NSD3: variants seen among roughly 807,000 people sequenced by gnomAD.
NSD3 encodes the protein histone-lysine N-methyltransferase NSD3.
A neutral mutation model predicts 160.8 loss-of-function variants in NSD3; 24 were observed. The ratio of observed to expected loss-of-function variants is 0.15; its 90% confidence interval spans 0.11 to 0.21. The LOEUF (loss-of-function observed/expected upper bound fraction) is 0.21. NSD3 is among the 10% of genes least tolerant of loss of function. NSD3 has a pLI of 1.00. For synonymous variants in NSD3, 520 were observed against 600.0 expected, an observed-to-expected ratio of 0.87 and a Z score of 1.95; for missense variants, 1,157 against 1,735.9, an observed-to-expected ratio of 0.67 and a Z score of 5.93.
chr8:38,331,827 TCAAAACAAAA>T (rs150155803), intron 4 of NSD3, among the ~76,000 whole-genome samples: 10,781 of 152,170 alleles, frequency 0.071, 537 homozygotes, highest in Non-Finnish European at 0.11. Context: ...GACTCTTGTC[TCAAAACAAAA>T]CAAAACAAAA....
At chr8:38,340,119 T>C (rs1810324873) in intron 2 of NSD3, among the ~76,000 whole-genome samples, 2 of 152,140 alleles carry the variant, frequency 1.3e-5, no homozygotes, top group African/African-American at 4.8e-5. Flanking sequence ...AAATTACTTC[T>C]ACAATTTAAA....
At position 38,295,680 on chromosome 8, in the gene NSD3, T is replaced by A. The variant is rs1160344789; in HGVS notation, c.2915+116A>T. 20 of 923,312 alleles carry A rather than the reference T, an allele frequency of 2.2e-5. No individual in the cohort carries two copies. In the South Asian group the frequency reaches 3.4e-4, roughly 16 times the overall value. 57.2% of individuals were successfully genotyped at this position (923,312 alleles called of 1,614,324 possible). A position where few individuals can be genotyped will look rare whatever the true frequency, so the allele number is the denominator to read the frequency against. On this transcript the variant is annotated intron_variant, in intron 16 of 23. Transcript: ENST00000317025. ...ACATGGTTCTTTTCTTTTTTTTTTT[T>A]AAGGAAGTAGGTCCATGCTGTCTAC...
chr8:38,358,022 C>T (rs1301622286), intron 1 of NSD3, among the ~76,000 whole-genome samples: 1 of 152,076 alleles, frequency 6.6e-6, no homozygotes, highest in Non-Finnish European at 1.5e-5. Flanking sequence ...GTCAAATAAA[C>T]TTCCAGAGGG....
At chr8:38,294,995 T>G (rs1045624527) in intron 16 of NSD3, among the ~76,000 whole-genome samples, 4 of 149,890 alleles carry the variant, frequency 2.7e-5, no homozygotes, top group Non-Finnish European at 5.9e-5. Flanking sequence ...TACAAAAAAA[T>G]TAGACGGGCA....
intron 4 of NSD3, among the ~76,000 whole-genome samples, chr8:38,335,042 T>G (rs1343903231): frequency 1.3e-5 from 2 of 148,218 alleles, no homozygotes; most frequent in African/African-American, 5.0e-5. Context: ...TGGAGTGAAG[T>G]GGTGGATCTC....
At chr8:38,333,821 T>C (rs929261673) in intron 4 of NSD3, among the ~76,000 whole-genome samples, 1 of 151,872 alleles carries the variant, frequency 6.6e-6, no homozygotes, top group African/African-American at 2.4e-5. Context: ...GAGCCGAGAT[T>C]GCGCCACTGC....
At chr8:38,291,065 G>A (rs1808988965) in intron 16 of NSD3, among the ~76,000 whole-genome samples, 1 of 152,120 alleles carries the variant, frequency 6.6e-6, no homozygotes, top group African/African-American at 2.4e-5. Flanking sequence ...TTTATTTCTA[G>A]TAGTCAATGG....
At chr8:38,338,633 G>A in intron 2 of NSD3, 26 bp from the exon 3 acceptor site, 1 of 1,557,168 alleles carries the variant, frequency 6.4e-7, no homozygotes, top group South Asian at 1.1e-5. Flanking sequence ...TAGGTAAGTA[G>A]AATAAAATGG....
intron 12 of NSD3, among the ~76,000 whole-genome samples, chr8:38,311,932 T>C (rs569804346): frequency 2.2e-4 from 34 of 152,332 alleles, no homozygotes; most frequent in Non-Finnish European, 1.2e-4. Flanking sequence ...AGCTCTTACA[T>C]CTTTGTCTTT....
chr8:38,323,251 G>A (rs1208405228), intron 7 of NSD3, among the ~76,000 whole-genome samples: 1 of 151,912 alleles, frequency 6.6e-6, no homozygotes, highest in Non-Finnish European at 1.5e-5. Flanking sequence ...TAGAGACAGG[G>A]TTTCACCATG....
In NSD3 at chr8:38,279,668, T is replaced by A; in HGVS notation, c.3632A>T (p.Asp1211Val). 1 of 1,613,758 alleles carries A rather than the reference T, an allele frequency of 6.2e-7. No individual in the cohort carries two copies. The highest frequency in any genetic ancestry group is 8.5e-7 in the Non-Finnish European group (1 of 1,179,666). Residue 1211 changes from aspartate (D) to valine (V), a missense_variant, in exon 21 of 24, where the codon GAT becomes GTT. Physicochemically the swap from Asp to Val is radical, Grantham distance 152. Around this residue, in one of 10 missense-constraint regions of NSD3, gnomAD observed 222 missense variants for 409.9 expected, o/e 0.54. Transcript: ENST00000317025. ...MLTVTKDRII[D>V]AGPKGNYSRF... ...AGAATAATTTCCTTTTGGGCCGGCA[T>A]CAATTATACGGTCCTTCAGAAAGAA...
chr8:38,351,870 G>T, intron 1 of NSD3, among the ~76,000 whole-genome samples: 1 of 151,744 alleles, frequency 6.6e-6, no homozygotes, highest in East Asian at 1.9e-4. Flanking sequence ...GGGGCCTGTT[G>T]TGGGGTGGGG....
intron 1 of NSD3, among the ~76,000 whole-genome samples, chr8:38,375,992 G>GA (rs999852906): frequency 4.2e-4 from 62 of 148,530 alleles, no homozygotes; most frequent in Admixed American, 1.2e-3. Flanking sequence ...CTTCTTGATA[G>GA]AAAAAAAAAA....
intron 19 of NSD3, among the ~76,000 whole-genome samples, chr8:38,286,077 A>G (rs1808848809): frequency 6.6e-6 from 1 of 152,108 alleles, no homozygotes; most frequent in African/African-American, 2.4e-5. Flanking sequence ...CCCTTGTTGC[A>G]TGTGAGCAGG....
Position 38,316,769 on chromosome 8 carries a change from G to T in NSD3, c.1856-727C>A, listed in dbSNP as rs1809676626. The T allele has an allele frequency of 9.4e-7, 1 of 1,058,710 alleles. No homozygotes were observed. The highest frequency in any genetic ancestry group is 1.7e-5 in the African/African-American group (1 of 60,596). 65.6% of individuals were successfully genotyped at this position (1,058,710 alleles called of 1,614,324 possible). ...CCTCTATGTGGAATTTGTGCGGGAA[G>T]AAATAAATAGGAAAAAAAAGGCAGA... On this transcript the variant is annotated intron_variant, in intron 9 of 23. Coordinates refer to ENST00000317025, the MANE Select transcript of NSD3 (RefSeq NM_023034.2). The surrounding 1 kb of genome is among the most constrained non-coding windows in gnomAD (Gnocchi z 4.5).
chr8:38,359,674 A>G (rs1810911957), intron 1 of NSD3, among the ~76,000 whole-genome samples: 1 of 152,246 alleles, frequency 6.6e-6, no homozygotes. Flanking sequence ...AAAAGCAATA[A>G]CCAAATTTGG....
In NSD3 at chr8:38,329,404, T is replaced by A; in HGVS notation, c.1555A>T (p.Ile519Phe). The change falls in exon 6 of 24, where the codon ATC (isoleucine) becomes TTC (phenylalanine). Residue 519 changes from isoleucine to phenylalanine, a missense_variant. This residue lies in a region of NSD3 where 102 missense variants were observed against 126.5 expected (regional missense o/e 0.81). Coordinates refer to ENST00000317025, the MANE Select transcript of NSD3 (RefSeq NM_023034.2). The surrounding 1 kb of genome is among the most constrained non-coding windows in gnomAD (Gnocchi z 4.8). The part of the protein sequence containing the change: ...LQNATGDGKF[I>F]DQFVYSTKGI... ...TTTGTTGAATAAACAAATTGATCGA[T>A]AAATTTCCCATCCCCTGTAGCATTC... is the stretch of plus-strand genomic sequence containing the variant. The A allele has an allele frequency of 6.2e-7, 1 of 1,611,084 alleles. No individual in the cohort carries two copies. Among genetic ancestry groups the A allele is most frequent in the Non-Finnish European group, 8.5e-7 (1 of 1,177,626 alleles).
chr8:38,345,000 T>C (rs1272645788), intron 2 of NSD3, among the ~76,000 whole-genome samples: 1 of 152,132 alleles, frequency 6.6e-6, no homozygotes, highest in African/African-American at 2.4e-5. Flanking sequence ...TTGTGAAACA[T>C]TAATTTATAC....
chr8:38,281,591 T>G lies in NSD3; in HGVS notation c.3502-8A>C, dbSNP rs752801720. The G allele has an allele frequency of 1.3e-6, 2 of 1,574,310 alleles. No individual in the cohort carries two copies. Among genetic ancestry groups the G allele is most frequent in the South Asian group, 2.3e-5 (2 of 87,466 alleles). ...TTCATTTACAAATTCACCCTGGAGATAAATGTGCAATATGTAACTTAAAAT... is the reference window on the plus strand; with the variant it reads ...TTCATTTACAAATTCACCCTGGAGAGAAATGTGCAATATGTAACTTAAAAT... On this transcript the variant is annotated splice_polypyrimidine_tract_variant and splice_region_variant and intron_variant, in intron 19 of 23. Coordinates refer to ENST00000317025, the MANE Select transcript of NSD3 (RefSeq NM_023034.2).
Sources: allele counts gnomAD v4.1 joint callset (sites outside exome capture counted in the v4.1 genomes callset), GRCh38; gene constraint gnomAD v4.1.1; regional missense constraint gnomAD v4.1.1; non-coding constraint Gnocchi (gnomAD v3.1); transcripts MANE v1.5; gene names NCBI Gene and HGNC (gene_info 2026-07-23, HGNC 2026-07-21).